SOCS2: variants seen among roughly 807,000 people sequenced by gnomAD.
The protein encoded by SOCS2 is CIS-2.
SOCS2 carries 10 observed loss-of-function variants against 18.6 expected under a neutral mutation model. The observed-to-expected ratio is 0.54, with a 90% CI of 0.33 to 0.91. The LOEUF is 0.91. Among genes scored for constraint, SOCS2 ranks in the 40% least tolerant of loss-of-function variants. The pLI is 0.02. For synonymous variants in SOCS2, 104 were observed against 104.0 expected, an observed-to-expected ratio of 1.00 and a Z score of 0.00; for missense variants, 231 against 247.2, an observed-to-expected ratio of 0.93 and a Z score of 0.44.
the SOCS2 span, among the ~76,000 whole-genome samples, chr12:93,609,441 TTAGA>T: frequency 3.0e-4 from 45 of 152,034 alleles, no homozygotes; most frequent in East Asian, 2.5e-3. Flanking sequence ...ATTTACTTAT[TTAGA>T]TAAAGTATTT....
chr12:93,617,879 C>T, the SOCS2 span, among the ~76,000 whole-genome samples: 1 of 152,072 alleles, frequency 6.6e-6, no homozygotes, highest in Non-Finnish European at 1.5e-5. Context: ...AGGAGCAGTA[C>T]CCTCCACTCT....
chr12:93,621,663 T>C, the SOCS2 span, among the ~76,000 whole-genome samples: 61 of 152,244 alleles, frequency 4.0e-4, no homozygotes, highest in African/African-American at 1.4e-3. Flanking sequence ...AATTTTTTTT[T>C]TGTAGAGATG....
the SOCS2 span, among the ~76,000 whole-genome samples, chr12:93,601,297 C>G: frequency 8.6e-5 from 13 of 151,592 alleles, no homozygotes; most frequent in Non-Finnish European, 1.5e-4. Context: ...TTTTTTGAGA[C>G]TGAGTCTTGG....
the SOCS2 span, among the ~76,000 whole-genome samples, chr12:93,588,877 C>T: frequency 1.3e-5 from 2 of 152,146 alleles, no homozygotes; most frequent in East Asian, 1.9e-4. Context: ...CCGCCTCGGC[C>T]TCCCAAAGTG....
downstream of SOCS2, among the ~76,000 whole-genome samples, chr12:93,579,762 G>T (rs988148270): frequency 2.6e-5 from 4 of 152,220 alleles, no homozygotes; most frequent in South Asian, 2.1e-4. Flanking sequence ...GGAGTCCCCA[G>T]TGTCTGAAGT....
At chr12:93,614,599 CTTTCTTTCTTT>C in the SOCS2 span, among the ~76,000 whole-genome samples, 1 of 108,398 alleles carries the variant, frequency 9.2e-6, no homozygotes, top group African/African-American at 4.1e-5. Flanking sequence ...TTCTTTCTTT[CTTTCTTTCTTT>C]CTTTCTTTCT....
downstream of SOCS2, among the ~76,000 whole-genome samples, chr12:93,579,359 C>T (rs943729538): frequency 2.6e-5 from 4 of 152,182 alleles, no homozygotes; most frequent in African/African-American, 9.7e-5. Context: ...ATTTGGACTA[C>T]CTTAAGATTA....
At chr12:93,585,054 C>T (rs142528314), downstream of SOCS2, among the ~76,000 whole-genome samples, 116 of 152,286 alleles carry the variant, frequency 7.6e-4, no homozygotes, top group Middle Eastern at 3.4e-3. Context: ...TGAGCCATCA[C>T]GCCTGGCCAT....
At chr12:93,579,792 T>C (rs1954513482), downstream of SOCS2, among the ~76,000 whole-genome samples, 2 of 152,338 alleles carry the variant, frequency 1.3e-5, no homozygotes, top group South Asian at 4.1e-4. Flanking sequence ...GAGCTGGCTT[T>C]TCCTATCTAC....
At chr12:93,587,622 A>G (rs564417349), downstream of SOCS2, among the ~76,000 whole-genome samples, 1 of 151,240 alleles carries the variant, frequency 6.6e-6, no homozygotes, top group Non-Finnish European at 1.5e-5. Flanking sequence ...CAGAGGTTGC[A>G]GTGAGCTGAG....
the SOCS2 span, among the ~76,000 whole-genome samples, chr12:93,600,827 C>T: frequency 6.7e-6 from 1 of 148,214 alleles, no homozygotes; most frequent in Non-Finnish European, 1.5e-5. Context: ...CTTGATCTGT[C>T]ACCCGGGCTG....
the SOCS2 span, among the ~76,000 whole-genome samples, chr12:93,625,611 G>C: frequency 5.9e-5 from 9 of 151,990 alleles, no homozygotes; most frequent in Non-Finnish European, 1.0e-4. Flanking sequence ...AGCTGGGTGT[G>C]GTGGCACGTG....
In SOCS2 at chr12:93,572,835, G is replaced by A; in HGVS notation, c.-63G>A. On this transcript the variant is annotated 5_prime_UTR_variant, in exon 1 of 2. Coordinates refer to ENST00000551556, the MANE Select transcript of SOCS2 (RefSeq NM_001270471.2). The surrounding 1 kb of genome is among the most constrained non-coding windows in gnomAD (Gnocchi z 5.0). ...ATTCGCACTGACTTCAAGGAAGGAC[G>A]CGAACCCTTCTCTGACCCCAGCTCG... The A allele has an allele frequency of 1.3e-6, 2 of 1,551,272 alleles. No individual in the cohort carries two copies. The highest frequency in any genetic ancestry group is 8.7e-7 in the Non-Finnish European group (1 of 1,146,848).
chr12:93,585,048 C>T (rs1321974708), downstream of SOCS2, among the ~76,000 whole-genome samples: 1 of 152,142 alleles, frequency 6.6e-6, no homozygotes, highest in Non-Finnish European at 1.5e-5. Flanking sequence ...CAGGTGTGAG[C>T]CATCACGCCT....
chr12:93,610,110 T>C, the SOCS2 span, among the ~76,000 whole-genome samples: 1 of 152,236 alleles, frequency 6.6e-6, no homozygotes, highest in African/African-American at 2.4e-5. Flanking sequence ...TTTTAACATA[T>C]GAACTTCAGG....
chr12:93,610,469 G>A, the SOCS2 span, among the ~76,000 whole-genome samples: 7,624 of 152,258 alleles, frequency 0.05, 432 homozygotes, highest in African/African-American at 0.14. Context: ...TGCTGCAGGG[G>A]TGTCTGAGAC....
intron 1 of SOCS2, chr12:93,573,797 T>C (rs1954356121): frequency 6.6e-6 from 1 of 151,548 alleles, no homozygotes; most frequent in Non-Finnish European, 1.5e-5. Flanking sequence ...TCTTTCCGTG[T>C]GGGCCACGGG....
the SOCS2 span, among the ~76,000 whole-genome samples, chr12:93,610,787 C>T: frequency 1.3e-5 from 2 of 152,132 alleles, no homozygotes; most frequent in Non-Finnish European, 2.9e-5. Context: ...AGAATGGACC[C>T]TCATCAGACA....
intron 1 of SOCS2, chr12:93,573,864 G>C (rs188647224): frequency 9.2e-5 from 14 of 152,064 alleles, no homozygotes; most frequent in African/African-American, 3.1e-4. Context: ...TTGTGGGGGT[G>C]GGGGGAGCAC....
Sources: allele counts gnomAD v4.1 joint callset (sites outside exome capture counted in the v4.1 genomes callset), GRCh38; gene constraint gnomAD v4.1.1; non-coding constraint Gnocchi (gnomAD v3.1); transcripts MANE v1.5; gene names NCBI Gene and HGNC (gene_info 2026-07-23, HGNC 2026-07-21).